The following ATP10B variants were observed in gnomAD, a reference collection of about 807,000 sequenced individuals.
ATP10B encodes phospholipid-transporting ATPase VB.
Under a neutral mutation model 141.2 loss-of-function variants are expected in ATP10B, and 122 were observed. That is an observed-to-expected ratio of 0.86 (90% CI 0.75 to 1.00). ATP10B has a LOEUF of 1.00. Ranked by LOEUF, ATP10B falls within the 50% of genes least tolerant of loss-of-function variation. ATP10B has a pLI of 0.00. For synonymous variants in ATP10B, 685 were observed against 692.0 expected (o/e 0.99, Z 0.16); for missense variants, 1,876 against 1,825.3 (o/e 1.03, Z -0.51).
At chr5:160,788,895 CAGTT>C (rs779362409) in intron 1 of ATP10B, among the ~76,000 whole-genome samples, 45 of 152,156 alleles carry the variant, frequency 3.0e-4, no homozygotes, top group African/African-American at 9.9e-4. Context: ...AATATAGAAA[CAGTT>C]AGGTTTCTAT....
intron 24 of ATP10B, among the ~76,000 whole-genome samples, chr5:160,586,312 T>C (rs907825416): frequency 6.6e-6 from 1 of 152,228 alleles, no homozygotes; most frequent in African/African-American, 2.4e-5. Context: ...ATGACCTCAT[T>C]CTTTTTTATG....
intron 1 of ATP10B, among the ~76,000 whole-genome samples, chr5:160,815,220 G>C (rs561306396): frequency 6.6e-6 from 1 of 152,200 alleles, no homozygotes; most frequent in Non-Finnish European, 1.5e-5. Context: ...AGACCCATCA[G>C]TGTGCTGTAT....
At chr5:160,884,053 C>A in the ATP10B span, among the ~76,000 whole-genome samples, 1 of 152,124 alleles carries the variant, frequency 6.6e-6, no homozygotes, top group African/African-American at 2.4e-5. Context: ...TTCTCTACAG[C>A]ATATTGTTTA....
chr5:160,895,908 A>C, the ATP10B span, among the ~76,000 whole-genome samples: 16 of 152,210 alleles, frequency 1.1e-4, no homozygotes, highest in African/African-American at 3.8e-4. Context: ...TCAAAACCAC[A>C]CAACAAATGG....
chr5:160,924,453 A>AATT, the ATP10B span, among the ~76,000 whole-genome samples: 1 of 152,068 alleles, frequency 6.6e-6, no homozygotes, highest in East Asian at 1.9e-4. Flanking sequence ...TACACATAGT[A>AATT]AATACTCAAT....
the ATP10B span, among the ~76,000 whole-genome samples, chr5:160,888,874 G>A: frequency 0.028 from 4,303 of 152,196 alleles, 159 homozygotes; most frequent in East Asian, 0.16. Flanking sequence ...AGATGTTACT[G>A]GGGATATTGA....
intron 2 of ATP10B, among the ~76,000 whole-genome samples, chr5:160,728,021 C>T (rs942909301): frequency 3.9e-5 from 6 of 152,174 alleles, no homozygotes; most frequent in Admixed American, 6.5e-5. Flanking sequence ...AGCTTATCTT[C>T]CCAGGTGTAG....
intron 8 of ATP10B, among the ~76,000 whole-genome samples, chr5:160,648,790 C>A (rs1271631976): frequency 6.6e-6 from 1 of 152,116 alleles, no homozygotes; most frequent in Non-Finnish European, 1.5e-5. Flanking sequence ...CCGATTCAAA[C>A]CCAGATCTGT....
chr5:160,666,116 T>C (rs1345266206), intron 7 of ATP10B, among the ~76,000 whole-genome samples: 2 of 152,144 alleles, frequency 1.3e-5, no homozygotes, highest in East Asian at 3.9e-4. Context: ...AGTACCTAGA[T>C]GGTAGTTTTC....
chr5:160,682,594 G>T (rs1445115868), intron 6 of ATP10B, among the ~76,000 whole-genome samples: 1 of 152,118 alleles, frequency 6.6e-6, no homozygotes, highest in Non-Finnish European at 1.5e-5. Context: ...CTGGCAGAGC[G>T]AGGAGAACAG....
chr5:160,815,712 C>A (rs1281478073), intron 1 of ATP10B, among the ~76,000 whole-genome samples: 2 of 152,084 alleles, frequency 1.3e-5, no homozygotes, highest in African/African-American at 4.8e-5. Context: ...AGAATATATT[C>A]TTTTCACCAC....
chr5:160,735,317 C>T (rs1222957853), intron 2 of ATP10B, among the ~76,000 whole-genome samples: 1 of 151,618 alleles, frequency 6.6e-6, no homozygotes, highest in African/African-American at 2.4e-5. Context: ...ATGTTTCATG[C>T]CAATGGAAAC....
chr5:160,877,888 C>T, the ATP10B span, among the ~76,000 whole-genome samples: 9,918 of 139,750 alleles, frequency 0.071, 435 homozygotes, highest in East Asian at 0.12. Context: ...AAAGAGGAAA[C>T]AAACAAATGG....
At chr5:160,844,387 A>G (rs1046208875) in intron 1 of ATP10B, among the ~76,000 whole-genome samples, 3 of 151,898 alleles carry the variant, frequency 2.0e-5, no homozygotes, top group Non-Finnish European at 4.4e-5. Flanking sequence ...ACAAATGACT[A>G]TTCCATGAAG....
At position 160,632,236 on chromosome 5, in the gene ATP10B, G is replaced by A. The variant is rs768466350; in HGVS notation, c.1513C>T (p.Leu505=). 4.3e-6 allele frequency: 7 copies of A among 1,614,070 alleles called. No individual in the cohort carries two copies. Among genetic ancestry groups the A allele is most frequent in the Non-Finnish European group, 5.9e-6 (7 of 1,180,034 alleles). ...ACCCGGGCACTCTGGCTCCTCCTCAGAGGCTGAGCACCTTTTTGGCTTCTC... is the reference window on the plus strand; with the variant it reads ...ACCCGGGCACTCTGGCTCCTCCTCAAAGGCTGAGCACCTTTTTGGCTTCTC... ...TMRSQKGAQP[L]RRSQSARVPI... is the part of the protein sequence containing the mutation. The change falls in exon 13 of 26, where the codon CTG becomes TTG. Residue 505 remains leucine (L), a synonymous_variant. Coordinates refer to ENST00000327245, the MANE Select transcript of ATP10B (RefSeq NM_025153.3).
chr5:160,747,504 C>G (rs1767884881), intron 2 of ATP10B, among the ~76,000 whole-genome samples: 1 of 152,134 alleles, frequency 6.6e-6, no homozygotes, highest in Admixed American at 6.5e-5. Flanking sequence ...AGACTCTAAT[C>G]TAAAATAATA....
chr5:160,774,832 CT>C (rs1770171643), intron 2 of ATP10B, among the ~76,000 whole-genome samples: 1 of 152,164 alleles, frequency 6.6e-6, no homozygotes, highest in Non-Finnish European at 1.5e-5. Context: ...CAGGGGGCCT[CT>C]CTTTTCTGCC....
the ATP10B span, among the ~76,000 whole-genome samples, chr5:160,874,941 C>T: frequency 2.2e-5 from 3 of 139,236 alleles, no homozygotes; most frequent in Non-Finnish European, 4.7e-5. Context: ...GAGAATGGAA[C>T]CAAGTTGGAA....
At chr5:160,789,079 A>T (rs2127902564) in intron 1 of ATP10B, among the ~76,000 whole-genome samples, 1 of 152,284 alleles carries the variant, frequency 6.6e-6, no homozygotes, top group Non-Finnish European at 1.5e-5. Flanking sequence ...ATTTATGTGC[A>T]TGCATACATG....
Sources: gnomAD v4.1 joint callset for allele counts (sites outside exome capture counted in the v4.1 genomes callset) on GRCh38, gnomAD v4.1.1 for gene constraint, MANE v1.5 for transcripts, NCBI Gene and HGNC (gene_info 2026-07-23, HGNC 2026-07-21) for gene names.